Variants in ANKRD55 observed in about 807,000 individuals in gnomAD.
ANKRD55 encodes the protein ankyrin repeat domain 55, also known as ankyrin repeat domain-containing protein 55.
ANKRD55 carries 41 observed loss-of-function variants against 60.6 expected under a neutral mutation model. That is an observed-to-expected ratio of 0.68 (90% CI 0.53 to 0.88). The LOEUF (loss-of-function observed/expected upper bound fraction) is 0.88. ANKRD55 is among the 40% of genes least tolerant of loss of function. ANKRD55 has a pLI of 0.00. For synonymous variants in ANKRD55, 264 were observed against 290.3 expected (o/e 0.91, Z 0.92); for missense variants, 732 against 767.6 (o/e 0.95, Z 0.55).
At chr5:56,163,862 TG>T (rs1466442575) in intron 5 of ANKRD55, among the ~76,000 whole-genome samples, 1 of 152,094 alleles carries the variant, frequency 6.6e-6, no homozygotes, top group African/African-American at 2.4e-5. Context: ...GAGACCAAGG[TG>T]GGCAGATCAC....
Position 56,111,332 on chromosome 5 carries a change from T to G in ANKRD55, c.1416A>C (p.Lys472Asn). 6.2e-7 allele frequency: 1 copy of G among 1,614,114 alleles called. No individual in the cohort carries two copies. The highest frequency in any genetic ancestry group is 8.5e-7 in the Non-Finnish European group (1 of 1,180,030). The change falls in exon 10 of 12, where the codon AAA becomes AAC. Residue 472 changes from lysine to asparagine, a missense_variant. Lys to Asn is a moderately conservative substitution (Grantham distance 94, BLOSUM62 0). Coordinates refer to ENST00000341048, the MANE Select transcript of ANKRD55 (RefSeq NM_024669.3). The part of the protein sequence containing the change: ...APHHMAQRSQ[K>N]SRSEQDLLNN... ...TTAATAAATCCTGCTCACTTCGACT[T>G]TTCTGAGATCGCTGGGCCATATGAT...
At chr5:56,126,258 T>G (rs945919110) in intron 8 of ANKRD55, among the ~76,000 whole-genome samples, 3 of 152,258 alleles carry the variant, frequency 2.0e-5, no homozygotes, top group Non-Finnish European at 4.4e-5. Context: ...TTTGATAGTC[T>G]TGTTTGTTGT....
chr5:56,187,313 T>G (rs1218860928), intron 2 of ANKRD55, among the ~76,000 whole-genome samples: 2 of 152,110 alleles, frequency 1.3e-5, no homozygotes, highest in East Asian at 3.9e-4. Context: ...ACTAAAACGC[T>G]CATTAGGCAA....
rs147035137 is a variant in ANKRD55 at position 56,157,502 on chromosome 5, C to T, written c.483+2331G>A. Among the ~76,000 whole-genome samples, 269 of 152,290 alleles carry T rather than the reference C, an allele frequency of 1.8e-3. 4 individuals are homozygous for T. Among genetic ancestry groups the T allele is most frequent in the East Asian group, 5.4e-3 (28 of 5,186 alleles). ...AGGAAGGCATCTGTCTCCTGCTCCT[C>T]CCTGGGCAATGGAATGTCTTGGTGT... On this transcript the variant is annotated intron_variant, in intron 6 of 11. Coordinates refer to ENST00000341048, the MANE Select transcript of ANKRD55 (RefSeq NM_024669.3).
chr5:56,225,959 T>C (rs1057265171), intron 2 of ANKRD55, among the ~76,000 whole-genome samples: 40 of 152,342 alleles, frequency 2.6e-4, no homozygotes, highest in Non-Finnish European at 5.1e-4. Context: ...AATGACTTTC[T>C]TCACAGAATT....
chr5:56,160,870 C>T (rs1319207398), intron 5 of ANKRD55: 3 of 152,176 alleles, frequency 2.0e-5, no homozygotes, highest in Non-Finnish European at 2.9e-5. Flanking sequence ...GGAGAGGGGC[C>T]CGGGCTCTGC....
chr5:56,190,866 C>T (rs531246130), intron 2 of ANKRD55, among the ~76,000 whole-genome samples: 16 of 152,204 alleles, frequency 1.1e-4, no homozygotes, highest in Non-Finnish European at 1.9e-4. Context: ...GCAGAGCCCT[C>T]GTGCTCCAAT....
At chr5:56,116,496 A>G in intron 9 of ANKRD55, 119 bp downstream of exon 9, 2 of 828,730 alleles carry the variant, frequency 2.4e-6, no homozygotes, top group Non-Finnish European at 3.3e-6. Context: ...AACATTAATT[A>G]TATTATAAAA....
At chr5:56,200,797 G>C (rs974843290) in intron 2 of ANKRD55, among the ~76,000 whole-genome samples, 3 of 152,154 alleles carry the variant, frequency 2.0e-5, no homozygotes, top group Non-Finnish European at 4.4e-5. Context: ...GTAATTTGGG[G>C]AGGCTTTCTT....
Position 56,158,635 on chromosome 5 carries a change from T to G in ANKRD55, c.483+1198A>C, listed in dbSNP as rs1235157463. Among the ~76,000 whole-genome samples, 5 of 152,322 alleles carry G rather than the reference T, an allele frequency of 3.3e-5. No individual in the cohort carries two copies. The South Asian group carries it at 1.0e-3, about 32-fold the overall frequency. Reference sequence around the variant, plus strand: ...GTTACGATCACTGGGATTAATAATGTGATGTCTGGAGCAGGTAACCCGGAA... The same window carrying G: ...GTTACGATCACTGGGATTAATAATGGGATGTCTGGAGCAGGTAACCCGGAA... On this transcript the variant is annotated intron_variant, in intron 6 of 11. Coordinates refer to ENST00000341048, the MANE Select transcript of ANKRD55 (RefSeq NM_024669.3).
In ANKRD55 at chr5:56,158,565, C is replaced by T. The variant is rs764444878; in HGVS notation, c.483+1268G>A. 3.9e-5 allele frequency among the ~76,000 whole-genome samples: 6 copies of T among 152,260 alleles called. 1 individual carries two copies. The highest frequency in any genetic ancestry group is 8.8e-5 in the Non-Finnish European group (6 of 68,004). On this transcript the variant is annotated intron_variant, in intron 6 of 11. Transcript: ENST00000341048. ...AAGAACTTTGTTGAAGAGTGTTGAA[C>T]GACCTTTTTGGAAGCCTTCTACTTG...
intron 8 of ANKRD55, among the ~76,000 whole-genome samples, chr5:56,119,923 A>G (rs1218454107): frequency 6.6e-6 from 1 of 152,166 alleles, no homozygotes; most frequent in Non-Finnish European, 1.5e-5. Flanking sequence ...GTCTCAAAAA[A>G]CAAAAACTAA....
intron 8 of ANKRD55, among the ~76,000 whole-genome samples, chr5:56,125,925 G>A (rs1385152924): frequency 6.6e-6 from 1 of 152,128 alleles, no homozygotes; most frequent in Non-Finnish European, 1.5e-5. Flanking sequence ...CCTGAGGCCA[G>A]GAGTTCAAGA....
intron 8 of ANKRD55, among the ~76,000 whole-genome samples, chr5:56,120,782 C>T (rs1757023827): frequency 6.6e-6 from 1 of 151,942 alleles, no homozygotes; most frequent in Non-Finnish European, 1.5e-5. Context: ...GCCTGTAATC[C>T]CAGCTACTCG....
In ANKRD55 at chr5:56,135,288, C is replaced by CTGCCTGCCTGCT. The variant is rs1757543471; in HGVS notation, c.613-8183_613-8182insAGCAGGCAGGCA. On this transcript the variant is annotated intron_variant, in intron 7 of 11. Transcript: ENST00000341048. Reference sequence around the variant, plus strand: ...TTTCCCTCCCTCCCTCCCTGCCTGCCTGCTTGCTTTCTTTCTTTCTTTCTT... The same window carrying CTGCCTGCCTGCT: ...TTTCCCTCCCTCCCTCCCTGCCTGCCTGCCTGCCTGCTTGCTTGCTTTCTTTCTTTCTTTCTT... 1.7e-4 allele frequency among the ~76,000 whole-genome samples: 16 copies of CTGCCTGCCTGCT among 93,044 alleles called. 1 individual carries two copies. The highest frequency in any genetic ancestry group is 1.7e-3 in the East Asian group (5 of 2,934). The allele number at this position is 93,044 out of a possible 152,430, so 61.0% of individuals were successfully genotyped here.
Position 56,143,883 on chromosome 5 carries a change from T to C in ANKRD55, c.530A>G (p.His177Arg). 1 of 1,614,154 alleles carries C rather than the reference T, an allele frequency of 6.2e-7. No homozygotes were observed. The highest frequency in any genetic ancestry group is 8.5e-7 in the Non-Finnish European group (1 of 1,180,034). ...HWAAFHNQPQ[H>R]TQMLLKKGAD... ...CCCCTTCTTCAGCAGCATTTGTGTG[T>C]GTTGAGGCTGGTTGTGGAAAGCCGC... The change falls in exon 7 of 12, where the codon CAC (histidine) becomes CGC (arginine). Residue 177 changes from histidine (H) to arginine (R), a missense_variant. Physicochemically the swap from His to Arg is conservative, Grantham distance 29. Transcript: ENST00000341048.
chr5:56,211,031 C>G (rs1759658540), intron 2 of ANKRD55, among the ~76,000 whole-genome samples: 2 of 152,176 alleles, frequency 1.3e-5, no homozygotes, highest in Non-Finnish European at 2.9e-5. Flanking sequence ...TATACCCTCT[C>G]TGTAGTGGTG....
intron 7 of ANKRD55, among the ~76,000 whole-genome samples, chr5:56,134,900 C>G (rs904778046): frequency 1.3e-5 from 2 of 152,296 alleles, no homozygotes; most frequent in Non-Finnish European, 2.9e-5. Context: ...AATTATACAT[C>G]ATGGTCAAAT....
At chr5:56,163,137 A>G (rs1758373506) in intron 5 of ANKRD55, among the ~76,000 whole-genome samples, 1 of 152,126 alleles carries the variant, frequency 6.6e-6, no homozygotes, top group Admixed American at 6.5e-5. Context: ...CTGGACACAA[A>G]TAGACAGATC....
Sources: allele counts gnomAD v4.1 joint callset (sites outside exome capture counted in the v4.1 genomes callset), GRCh38; gene constraint gnomAD v4.1.1; transcripts MANE v1.5; gene names NCBI Gene and HGNC (gene_info 2026-07-23, HGNC 2026-07-21).